Variants in BTBD3 observed in about 807,000 individuals in gnomAD.
The protein encoded by BTBD3 is BTB/POZ domain-containing protein 3.
BTBD3 carries 14 observed loss-of-function variants against 41.6 expected under a neutral mutation model. That is an observed-to-expected ratio of 0.34 (90% CI 0.22 to 0.53). BTBD3 has a LOEUF of 0.53. Ranked by LOEUF, BTBD3 falls within the 20% of genes least tolerant of loss-of-function variation. The probability of loss-of-function intolerance (pLI) is 0.95; values close to 1 mark genes in which losing one functional copy is unlikely to be tolerated. For missense variants in BTBD3, 426 were observed against 654.7 expected (o/e 0.65, Z 3.81); for synonymous variants, 249 against 233.7 (o/e 1.07, Z -0.60).
intron 1 of BTBD3, among the ~76,000 whole-genome samples, chr20:11,899,723 G>T (rs192316733): frequency 6.6e-6 from 1 of 152,120 alleles, no homozygotes; most frequent in Non-Finnish European, 1.5e-5. Context: ...TCAAATCCAA[G>T]AATATCTCAA....
chr20:11,898,116 C>G (rs994884185), intron 1 of BTBD3, among the ~76,000 whole-genome samples: 1 of 152,138 alleles, frequency 6.6e-6, no homozygotes. Context: ...GAGCCGAGAT[C>G]GTGCCATTGC....
intron 1 of BTBD3, among the ~76,000 whole-genome samples, chr20:11,894,107 G>T (rs1414270583): frequency 6.6e-6 from 1 of 152,142 alleles, no homozygotes; most frequent in Non-Finnish European, 1.5e-5. Context: ...CTCTTTAATC[G>T]CATTTCCTTG....
At chr20:11,892,804 A>G (rs2056763762) in intron 1 of BTBD3, among the ~76,000 whole-genome samples, 1 of 152,102 alleles carries the variant, frequency 6.6e-6, no homozygotes, top group South Asian at 2.1e-4. Context: ...GCCCTAAGTT[A>G]TATCTTATAT....
Position 11,923,379 on chromosome 20 carries a change from C to T in BTBD3, c.1282C>T (p.Leu428Phe), listed in dbSNP as rs200299747. 6.2e-7 allele frequency: 1 copy of T among 1,614,230 alleles called. No individual in the cohort carries two copies. ...TGCAGAATACAGTGCCAAGATTGAA[C>T]TTAAGCGGCAGGGCGTTGTCCTGGG... ...GSAEYSAKIE[L>F]KRQGVVLGQN... The change falls in exon 4 of 4, where the codon CTT (leucine) becomes TTT (phenylalanine). Residue 428 changes from leucine to phenylalanine, a missense_variant. Physicochemically the swap from Leu to Phe is conservative, Grantham distance 22. Transcript: ENST00000378226. This position sits in a 1 kb window ranked among gnomAD's most constrained non-coding sequence, Gnocchi z 5.3.
At chr20:11,898,884 A>G (rs945598487) in intron 1 of BTBD3, among the ~76,000 whole-genome samples, 6 of 152,182 alleles carry the variant, frequency 3.9e-5, no homozygotes, top group African/African-American at 7.2e-5. Flanking sequence ...ACTGACAAAA[A>G]AGCCTGGCCA....
rs1464466007 is a variant in BTBD3 at position 11,925,356 on chromosome 20, C to T, written c.*1690C>T. ...CTGCCCTGACGTATTCACTGTGCCTCTGGGCCACTTCTTCCCCTGTAGATG... is the reference window on the plus strand; with the variant it reads ...CTGCCCTGACGTATTCACTGTGCCTTTGGGCCACTTCTTCCCCTGTAGATG... On this transcript the variant is annotated 3_prime_UTR_variant, in exon 4 of 4. Transcript: ENST00000378226. 6.5e-6 allele frequency: 1 copy of T among 152,702 alleles called. No individual in the cohort carries two copies. The highest frequency in any genetic ancestry group is 1.5e-5 in the Non-Finnish European group (1 of 68,054). 9.5% of individuals were successfully genotyped at this position (152,702 alleles called of 1,614,324 possible). A position where few individuals can be genotyped will look rare whatever the true frequency, so the allele number is the denominator to read the frequency against.
intron 1 of BTBD3, among the ~76,000 whole-genome samples, chr20:11,908,745 C>T (rs948817410): frequency 6.6e-6 from 1 of 151,812 alleles, no homozygotes; most frequent in African/African-American, 2.4e-5. Flanking sequence ...AATTTTTATT[C>T]TGATTATAAT....
chr20:11,920,114 A>G (rs1031569111), intron 3 of BTBD3, among the ~76,000 whole-genome samples: 14 of 152,216 alleles, frequency 9.2e-5, no homozygotes, highest in Non-Finnish European at 5.9e-5. Flanking sequence ...AAGACAAATA[A>G]CTTTCTGGTA....
chr20:11,915,558 G>T (rs6074366), upstream of BTBD3, among the ~76,000 whole-genome samples: 108,424 of 151,920 alleles, frequency 0.71, 39,106 homozygotes, highest in Non-Finnish European at 0.76. Context: ...GATTCTGGGT[G>T]ACTAATAGGC....
chr20:11,923,573 C>T lies in BTBD3; in HGVS notation c.1476C>T (p.Gly492=). ...AAGGCATGACAGAAGTTCAGTGTGG[C>T]AAAGTGACTGTCCAGTTTCAGTGCT... ...GQEGMTEVQC[G]KVTVQFQCSS... Residue 492 remains glycine (G), a synonymous_variant, in exon 4 of 4, where the codon GGC becomes GGT. Coordinates refer to ENST00000378226, the MANE Select transcript of BTBD3 (RefSeq NM_014962.4). The surrounding 1 kb of genome is among the most constrained non-coding windows in gnomAD (Gnocchi z 5.3). The T allele has an allele frequency of 6.2e-7, 1 of 1,614,150 alleles. No homozygotes were observed. Among genetic ancestry groups the T allele is most frequent in the Admixed American group, 1.7e-5 (1 of 60,012 alleles).
intron 1 of BTBD3, among the ~76,000 whole-genome samples, chr20:11,901,046 A>G (rs1385833422): frequency 6.6e-6 from 1 of 152,180 alleles, no homozygotes; most frequent in Non-Finnish European, 1.5e-5. Flanking sequence ...TTGTTGGAGA[A>G]TGATCTATAT....
chr20:11,906,683 C>T (rs564753947), intron 1 of BTBD3, among the ~76,000 whole-genome samples: 1 of 152,330 alleles, frequency 6.6e-6, no homozygotes, highest in East Asian at 1.9e-4. Flanking sequence ...GACAGAGACT[C>T]ATGCATGTAA....
intron 1 of BTBD3, among the ~76,000 whole-genome samples, chr20:11,902,335 ATGG>A (rs922111176): frequency 1.3e-5 from 2 of 152,222 alleles, no homozygotes; most frequent in African/African-American, 4.8e-5. Context: ...TCTGTCTGAA[ATGG>A]TGGGTGACCA....
At chr20:11,919,652 T>C in intron 2 of BTBD3, 66 bp from the exon 3 acceptor site, 1 of 1,496,782 alleles carries the variant, frequency 6.7e-7, no homozygotes. Flanking sequence ...GTGTTGTTTT[T>C]CTGCATTGAT....
At position 11,909,632 on chromosome 20, in the gene BTBD3, T is replaced by C. The variant is rs2056877445; in HGVS notation, c.-125-8702T>C. 3 of 152,318 alleles carry C rather than the reference T, an allele frequency of 2.0e-5. No individual in the cohort carries two copies. In the East Asian group the frequency reaches 5.8e-4, roughly 29 times the overall value. The allele number at this position is 152,318 out of a possible 1,614,324, so 9.4% of individuals were successfully genotyped here. A position where few individuals can be genotyped will look rare whatever the true frequency, so the allele number is the denominator to read the frequency against. On this transcript the variant is annotated intron_variant, in intron 1 of 4. Coordinates refer to the BTBD3 transcript ENST00000254977. ...GTATTGTTTGCCCAAAATAACTATA[T>C]TTCATTCTGGTCGCATACATTGTAA...
rs1206951373 is a variant in BTBD3, at chr20:11,925,247, C to T, written c.*1581C>T. The T allele has an allele frequency of 6.5e-6, 1 of 152,700 alleles. No homozygotes were observed. Among genetic ancestry groups the T allele is most frequent in the Non-Finnish European group, 1.5e-5 (1 of 68,108 alleles). 9.5% of individuals were successfully genotyped at this position (152,700 alleles called of 1,614,324 possible). On this transcript the variant is annotated 3_prime_UTR_variant, in exon 4 of 4. Coordinates refer to ENST00000378226, the MANE Select transcript of BTBD3 (RefSeq NM_014962.4). ...GCGCATGCAAGTGTGTTTGCCAGCT[C>T]AGGAGCTGTCTCCTCTCTACCTGGC... is the stretch of plus-strand genomic sequence containing the variant.
intron 1 of BTBD3, among the ~76,000 whole-genome samples, chr20:11,912,835 C>T (rs2056897313): frequency 6.6e-6 from 1 of 152,180 alleles, no homozygotes; most frequent in South Asian, 2.1e-4. Flanking sequence ...GTTGTTAGCT[C>T]TTGCTTTTTT....
intron 1 of BTBD3, among the ~76,000 whole-genome samples, chr20:11,897,717 C>G (rs553646292): frequency 6.6e-6 from 1 of 152,294 alleles, no homozygotes; most frequent in South Asian, 2.1e-4. Flanking sequence ...CACTGGTCTC[C>G]TTTTCCTTCC....
chr20:11,923,213 C>A lies in BTBD3; in HGVS notation c.1116C>A (p.Pro372=), dbSNP rs1311163529. The A allele has an allele frequency of 1.2e-6, 2 of 1,614,138 alleles. No individual in the cohort carries two copies. The highest frequency in any genetic ancestry group is 1.7e-6 in the Non-Finnish European group (2 of 1,180,052). ...GTAAAGCCCGTAAGGGCCTTGTCCC[C>A]CAGCGCTGTCACCGTTTCCAGTCGT... ...FVSKARKGLV[P]QRCHRFQSCA... is the part of the protein sequence containing the mutation. Residue 372 remains proline (P), a synonymous_variant, in exon 4 of 4, where the codon CCC becomes CCA. Coordinates refer to ENST00000378226, the MANE Select transcript of BTBD3 (RefSeq NM_014962.4). The surrounding 1 kb of genome is among the most constrained non-coding windows in gnomAD (Gnocchi z 5.3).
Sources: allele counts gnomAD v4.1 joint callset (sites outside exome capture counted in the v4.1 genomes callset), GRCh38; gene constraint gnomAD v4.1.1; non-coding constraint Gnocchi (gnomAD v3.1); transcripts MANE v1.5; gene names NCBI Gene and HGNC (gene_info 2026-07-23, HGNC 2026-07-21).